RARA: variants seen among roughly 807,000 people sequenced by gnomAD.
RARA encodes PML-DDX5-RARA fusion.
A neutral mutation model predicts 42.8 loss-of-function variants in RARA; 5 were observed. The observed-to-expected ratio is 0.12, with a 90% CI of 0.06 to 0.25. The LOEUF is 0.25. Ranked by LOEUF, RARA falls within the 10% of genes least tolerant of loss-of-function variation. RARA has a pLI of 1.00. For missense variants in RARA, 402 were observed against 628.7 expected (o/e 0.64, Z 3.86); for synonymous variants, 256 against 259.5 (o/e 0.99, Z 0.13).
At chr17:40,336,114 C>T (rs1183119789) in intron 2 of RARA, among the ~76,000 whole-genome samples, 2 of 152,194 alleles carry the variant, frequency 1.3e-5, no homozygotes, top group African/African-American at 2.4e-5. Flanking sequence ...CCTGCTCTGT[C>T]GCCCAGGCTG....
At position 40,356,231 on chromosome 17, in the gene RARA, C is replaced by T; in HGVS notation, c.*5C>T. 1 of 1,549,576 alleles carries T rather than the reference C, an allele frequency of 6.5e-7. No individual in the cohort carries two copies. The highest frequency in any genetic ancestry group is 8.7e-7 in the Non-Finnish European group (1 of 1,146,594). ...CCGGCCACCCACTCCCCGTGACCGCCCACGCCACATGGACACAGCCCTCGC... is the reference window on the plus strand; with the variant it reads ...CCGGCCACCCACTCCCCGTGACCGCTCACGCCACATGGACACAGCCCTCGC... On this transcript the variant is annotated 3_prime_UTR_variant, in exon 9 of 9. Coordinates refer to ENST00000254066, the MANE Select transcript of RARA (RefSeq NM_000964.4).
chr17:40,343,170 C>T (rs1598569860), intron 2 of RARA: 1 of 299,490 alleles, frequency 3.3e-6, no homozygotes. Context: ...CCCTTGCCCC[C>T]AGTTTATATC....
At chr17:40,314,150 A>T (rs1369343746) in intron 1 of RARA, among the ~76,000 whole-genome samples, 1 of 57,118 alleles carries the variant, frequency 1.8e-5, no homozygotes, top group Non-Finnish European at 3.5e-5. Flanking sequence ...GTAGGGAGGG[A>T]GGCAGGTGGG....
intron 1 of RARA, among the ~76,000 whole-genome samples, chr17:40,325,637 G>A (rs1241414167): frequency 6.6e-6 from 1 of 152,264 alleles, no homozygotes; most frequent in Non-Finnish European, 1.5e-5. Flanking sequence ...GCAGGGCTTT[G>A]TTTCTGCCAG....
At chr17:40,319,768 G>T (rs963513533) in intron 1 of RARA, among the ~76,000 whole-genome samples, 1 of 152,046 alleles carries the variant, frequency 6.6e-6, no homozygotes, top group African/African-American at 2.4e-5. Context: ...TGCCGGGGAA[G>T]CCCCGGGTTG....
chr17:40,342,652 G>A, intron 2 of RARA: 1 of 1,557,474 alleles, frequency 6.4e-7, no homozygotes, highest in Non-Finnish European at 8.7e-7. Flanking sequence ...GCTGAGTGAC[G>A]GGGGCGGCGC....
chr17:40,341,390 A>T, intron 2 of RARA: 1 of 1,477,958 alleles, frequency 6.8e-7, no homozygotes, highest in Non-Finnish European at 9.0e-7. Context: ...GGAGTCACAC[A>T]TGATGTCACA....
chr17:40,313,643 C>T (rs1320647429), intron 1 of RARA, among the ~76,000 whole-genome samples: 2 of 152,138 alleles, frequency 1.3e-5, no homozygotes, highest in Non-Finnish European at 2.9e-5. Flanking sequence ...AGGAGGTGTT[C>T]CAGACAGGCC....
chr17:40,352,453 C>T lies in RARA; in HGVS notation c.753C>T (p.Thr251=). The T allele has an allele frequency of 6.2e-7, 1 of 1,613,782 alleles. No individual in the cohort carries two copies. Among genetic ancestry groups the T allele is most frequent in the Admixed American group, 1.7e-5 (1 of 59,988 alleles). Residue 251 remains threonine, a synonymous_variant, in exon 6 of 9, where the codon ACC becomes ACT. Coordinates refer to ENST00000254066, the MANE Select transcript of RARA (RefSeq NM_000964.4). The surrounding 1 kb of genome is among the most constrained non-coding windows in gnomAD (Gnocchi z 4.9). Reference sequence around the variant, plus strand: ...CCAAGCAGCTGCCCGGCTTCACCACCCTCACCATCGCCGACCAGATCACCC... The same window carrying T: ...CCAAGCAGCTGCCCGGCTTCACCACTCTCACCATCGCCGACCAGATCACCC... ...EFAKQLPGFT[T]LTIADQITLL...
intron 1 of RARA, among the ~76,000 whole-genome samples, chr17:40,329,203 G>A (rs1158607214): frequency 6.6e-6 from 1 of 151,822 alleles, no homozygotes; most frequent in African/African-American, 2.4e-5. Flanking sequence ...CACAATCTCG[G>A]CTCACTGCCT....
Position 40,355,145 on chromosome 17 carries a change from T to C in RARA, c.1013-118T>C. 1 of 1,282,284 alleles carries C rather than the reference T, an allele frequency of 7.8e-7. No homozygotes were observed. Among genetic ancestry groups the C allele is most frequent in the Non-Finnish European group, 1.1e-6 (1 of 948,562 alleles). 79.4% of individuals were successfully genotyped at this position (1,282,284 alleles called of 1,614,324 possible). On this transcript the variant is annotated intron_variant, in intron 7 of 8. Coordinates refer to ENST00000254066, the MANE Select transcript of RARA (RefSeq NM_000964.4). The surrounding 1 kb of genome is among the most constrained non-coding windows in gnomAD (Gnocchi z 4.1). ...CAGAGACCCCATGCCCTGCCCTGTG[T>C]GGGGAGGCGCCTGCGAGCTGCCCTC...
chr17:40,310,662 C>A (rs1422912814), intron 1 of RARA, among the ~76,000 whole-genome samples: 1 of 152,066 alleles, frequency 6.6e-6, no homozygotes, highest in Non-Finnish European at 1.5e-5. Context: ...GAATCAGAGG[C>A]CTGAACTGGA....
chr17:40,327,245 C>G (rs1316044045), intron 1 of RARA, among the ~76,000 whole-genome samples: 1 of 152,188 alleles, frequency 6.6e-6, no homozygotes, highest in Non-Finnish European at 1.5e-5. Flanking sequence ...CCAGGCTGGA[C>G]TGACTAAACT....
At chr17:40,350,217 C>T (rs1308756326) in intron 4 of RARA, 2 of 392,740 alleles carry the variant, frequency 5.1e-6, no homozygotes, top group Non-Finnish European at 9.3e-6. Flanking sequence ...TGTGTGCATG[C>T]TCCAGGATGG....
chr17:40,357,588 C>A lies in RARA; in HGVS notation c.*1362C>A, dbSNP rs1415311451. On this transcript the variant is annotated 3_prime_UTR_variant, in exon 9 of 9. Coordinates refer to ENST00000254066, the MANE Select transcript of RARA (RefSeq NM_000964.4). ...CTGGAGCCCGTGGGTGCACCTGTTA[C>A]TGTTGGGCTTTCCACTGAGATCTAC... is the stretch of plus-strand genomic sequence containing the variant. 1 of 231,808 alleles carries A rather than the reference C, an allele frequency of 4.3e-6. No individual in the cohort carries two copies. Among genetic ancestry groups the A allele is most frequent in the Non-Finnish European group, 8.5e-6 (1 of 117,190 alleles). 14.4% of individuals were successfully genotyped at this position (231,808 alleles called of 1,614,324 possible). A position where few individuals can be genotyped will look rare whatever the true frequency, so the allele number is the denominator to read the frequency against.
chr17:40,337,508 A>C (rs2033889993), intron 2 of RARA, among the ~76,000 whole-genome samples: 2 of 149,264 alleles, frequency 1.3e-5, no homozygotes, highest in Admixed American at 6.7e-5. Context: ...CACCATCCCC[A>C]CCCCCAAATC....
Position 40,331,117 on chromosome 17 carries a change from C to T in RARA, c.-102C>T. 7.3e-7 allele frequency: 1 copy of T among 1,368,422 alleles called. No individual in the cohort carries two copies. Among genetic ancestry groups the T allele is most frequent in the Non-Finnish European group, 9.9e-7 (1 of 1,011,964 alleles). 84.8% of individuals were successfully genotyped at this position (1,368,422 alleles called of 1,614,324 possible). A position where few individuals can be genotyped will look rare whatever the true frequency, so the allele number is the denominator to read the frequency against. On this transcript the variant is annotated 5_prime_UTR_variant, in exon 2 of 9. Coordinates refer to ENST00000254066, the MANE Select transcript of RARA (RefSeq NM_000964.4). ...GGGCGGGTGGGCTGACCACCCAAAC[C>T]CCATCTGGGCCCAGGCCCCATGCCC...
chr17:40,331,477 G>A (rs1356554114), intron 2 of RARA, 81 bp downstream of exon 2: 3 of 1,459,774 alleles, frequency 2.1e-6, no homozygotes, highest in Admixed American at 4.8e-5. Flanking sequence ...GGGCACGTCT[G>A]TTCTGCTGTG....
intron 6 of RARA, among the ~76,000 whole-genome samples, chr17:40,353,872 T>G (rs940599989): frequency 2.0e-5 from 3 of 152,128 alleles, no homozygotes; most frequent in Non-Finnish European, 4.4e-5. Flanking sequence ...ACACATTTAC[T>G]GAGCGCTTGT....
Sources: gnomAD v4.1 joint callset for allele counts (sites outside exome capture counted in the v4.1 genomes callset) on GRCh38, gnomAD v4.1.1 for gene constraint, Gnocchi (gnomAD v3.1) non-coding constraint, MANE v1.5 for transcripts, NCBI Gene and HGNC (gene_info 2026-07-23, HGNC 2026-07-21) for gene names.